CFAP46: variants seen among roughly 807,000 people sequenced by gnomAD.
The protein encoded by CFAP46 is cilia and flagella associated protein 46, also known as cilia- and flagella-associated protein 46.
A neutral mutation model predicts 325.7 loss-of-function variants in CFAP46; 245 were observed. The observed-to-expected ratio is 0.75, with a 90% CI of 0.68 to 0.84. The LOEUF (loss-of-function observed/expected upper bound fraction) is 0.84, where lower values mean the gene tolerates loss of function less well. Among genes scored for constraint, CFAP46 ranks in the 40% least tolerant of loss-of-function variants. The pLI is 0.00. For synonymous variants in CFAP46, 1,523 were observed against 1,495.9 expected (o/e 1.02, Z -0.42); for missense variants, 3,346 against 3,543.0 (o/e 0.94, Z 1.41).
At chr10:132,915,617 C>A (rs1484051705) in intron 17 of CFAP46, among the ~76,000 whole-genome samples, 1 of 150,896 alleles carries the variant, frequency 6.6e-6, no homozygotes, top group African/African-American at 2.5e-5. Flanking sequence ...CAGCTTCTGC[C>A]CCGAGGGACC....
chr10:132,914,955 G>A (rs1849613924), intron 17 of CFAP46, among the ~76,000 whole-genome samples: 3 of 152,246 alleles, frequency 2.0e-5, no homozygotes, highest in South Asian at 4.1e-4. Flanking sequence ...TGCAGGCTCT[G>A]CCCTTCCCCA....
intron 40 of CFAP46, among the ~76,000 whole-genome samples, chr10:132,850,775 T>A (rs1012350985): frequency 1.3e-5 from 2 of 149,774 alleles, no homozygotes; most frequent in African/African-American, 5.0e-5. Context: ...ATATTCAACT[T>A]TTTTTTTTAC....
chr10:132,940,901 A>G, intron 4 of CFAP46, 95 bp downstream of exon 4: 2 of 1,242,622 alleles, frequency 1.6e-6, no homozygotes, highest in South Asian at 2.5e-5. Flanking sequence ...ACGAGGGGAA[A>G]CCCCACAGTT....
chr10:132,910,275 C>A (rs11146583), intron 19 of CFAP46, among the ~76,000 whole-genome samples: 17,660 of 152,300 alleles, frequency 0.12, 2,843 homozygotes, highest in African/African-American at 0.36. Context: ...GCAGCTGCCA[C>A]CTGGCCTCCA....
rs112898071 is a variant in CFAP46 at position 132,906,804 on chromosome 10, A to G, written c.2924+1664T>C. 7.1e-3 allele frequency among the ~76,000 whole-genome samples: 645 copies of G among 90,784 alleles called. 17 individuals are homozygous for G. Among genetic ancestry groups the G allele is most frequent in the African/African-American group, 0.024 (310 of 13,168 alleles). 59.6% of individuals were successfully genotyped at this position (90,784 alleles called of 152,430 possible). On this transcript the variant is annotated intron_variant, in intron 22 of 57. Coordinates refer to ENST00000368586, the MANE Select transcript of CFAP46 (RefSeq NM_001200049.3). Reference sequence around the variant, plus strand: ...ACGGGGTCCTGGCGCGTGATGCCCCATCCTGGGCAATGAGAAGAGTGAACG... The same window carrying G: ...ACGGGGTCCTGGCGCGTGATGCCCCGTCCTGGGCAATGAGAAGAGTGAACG...
Position 132,832,850 on chromosome 10 carries a change from C to T in CFAP46, c.7117+508G>A. On this transcript the variant is annotated intron_variant, in intron 50 of 57. Transcript: ENST00000368586. The surrounding 1 kb of genome is among the most constrained non-coding windows in gnomAD (Gnocchi z 4.1). ...GGCTGTTTACTACACATCTGGTCCC[C>T]TCCTTTGAAACAGGTATTTGTGGGG... is the stretch of plus-strand genomic sequence containing the variant. 1 of 469,726 alleles carries T rather than the reference C, an allele frequency of 2.1e-6. No homozygotes were observed. Among genetic ancestry groups the T allele is most frequent in the Non-Finnish European group, 4.4e-6 (1 of 226,028 alleles). 29.1% of individuals were successfully genotyped at this position (469,726 alleles called of 1,614,324 possible).
chr10:132,892,607 C>T (rs1415500636), intron 24 of CFAP46, among the ~76,000 whole-genome samples, 190 bp from the exon 25 acceptor site: 2 of 152,198 alleles, frequency 1.3e-5, no homozygotes, highest in Non-Finnish European at 2.9e-5. Context: ...GCTTAACAAT[C>T]TACAGCCAAT....
rs1849853026 is a variant in CFAP46 at position 132,929,157 on chromosome 10, A to G, written c.966+548T>C. 6 of 281,512 alleles carry G rather than the reference A, an allele frequency of 2.1e-5. No individual in the cohort carries two copies. The East Asian group carries it at 3.8e-4, about 18-fold the overall frequency. 17.4% of individuals were successfully genotyped at this position (281,512 alleles called of 1,614,324 possible). A position where few individuals can be genotyped will look rare whatever the true frequency, so the allele number is the denominator to read the frequency against. On this transcript the variant is annotated intron_variant, in intron 9 of 57. Transcript: ENST00000368586. ...TATACTGTGATTTTTCTAGACGGAA[A>G]TCCCTACGATAAACTTCAATTTCTA...
At chr10:132,928,297 T>C (rs1028635635) in intron 9 of CFAP46, among the ~76,000 whole-genome samples, 4 of 152,136 alleles carry the variant, frequency 2.6e-5, no homozygotes, top group African/African-American at 4.8e-5. Flanking sequence ...TCATTCTGAA[T>C]TGGGGACACC....
chr10:132,905,645 A>G (rs1204021566), intron 22 of CFAP46, among the ~76,000 whole-genome samples: 1 of 151,934 alleles, frequency 6.6e-6, no homozygotes, highest in East Asian at 1.9e-4. Flanking sequence ...GGAACGTTCT[A>G]TTTTCTTTTT....
chr10:132,824,157 T>G (rs1591036655), intron 50 of CFAP46, among the ~76,000 whole-genome samples: 1 of 131,034 alleles, frequency 7.6e-6, no homozygotes, highest in Non-Finnish European at 1.6e-5. Context: ...GTGCTGTGTG[T>G]GTGCTGTGTG....
rs765314718 is a variant in CFAP46 at position 132,938,590 on chromosome 10, G to C, written c.535C>G (p.Leu179Val). Residue 179 changes from leucine to valine, a missense_variant and splice_region_variant, in exon 5 of 58, where the codon CTG (leucine) becomes GTG (valine). Leu to Val is a conservative substitution (Grantham distance 32). Transcript: ENST00000368586. ...EDKEWRAELM[L>V]ELLECYLQAG... is the part of the protein sequence containing the mutation. ...GAGGGCACGGCGAGCTCAACTCACA[G>C]CATCAGCTCAGCACGCCACTCCTTG... 85 of 1,612,678 alleles carry C rather than the reference G, an allele frequency of 5.3e-5. No homozygotes were observed. The highest frequency in any genetic ancestry group is 7.1e-5 in the Non-Finnish European group (84 of 1,179,800).
chr10:132,852,049 G>A (rs998356051), intron 39 of CFAP46, among the ~76,000 whole-genome samples: 8 of 151,700 alleles, frequency 5.3e-5, no homozygotes, highest in Non-Finnish European at 1.0e-4. Flanking sequence ...ATCCACAGAC[G>A]TGGTATGTTC....
At chr10:132,868,484 G>A (rs746787786) in intron 33 of CFAP46, among the ~76,000 whole-genome samples, 2 of 152,182 alleles carry the variant, frequency 1.3e-5, no homozygotes, top group South Asian at 2.1e-4. Flanking sequence ...GATAACTCAC[G>A]GTACTGAAAA....
At chr10:132,887,525 CTCTCTCCTCTCCCCTCT>C (rs1491459498) in intron 25 of CFAP46, among the ~76,000 whole-genome samples, 3 of 92,702 alleles carry the variant, frequency 3.2e-5, no homozygotes, top group Non-Finnish European at 4.9e-5. Context: ...CTCTCCTCTC[CTCTCTCCTCTCCCCTCT>C]TCTCTCCTCT....
rs1198306231 is a variant in CFAP46, at chr10:132,880,970, G to A, written c.3690C>T (p.His1230=). The change falls in exon 28 of 58, where the codon CAC becomes CAT. Residue 1230 remains histidine (H), a synonymous_variant. Coordinates refer to ENST00000368586, the MANE Select transcript of CFAP46 (RefSeq NM_001200049.3). The stretch of plus-strand genomic sequence containing the variant: ...CCACGTCCTCGAGAGGAAAGTGTCT[G>A]TGATGGAGCCACTGGCCGAACTCCA... ...YLMEFGQWLH[H]RHFPLEDVVF... The A allele has an allele frequency of 1.4e-5, 22 of 1,550,410 alleles. No homozygotes were observed. Among genetic ancestry groups the A allele is most frequent in the Non-Finnish European group, 1.9e-5 (22 of 1,146,962 alleles).
chr10:132,833,531 A>C lies in CFAP46; in HGVS notation c.6950-6T>G. ...AACCTCAGGCTGGACTGTGCCTGGG[A>C]AACAGCAGTGCAGGGAGATCAGCTC... On this transcript the variant is annotated splice_region_variant and splice_polypyrimidine_tract_variant and intron_variant, in intron 49 of 57. Coordinates refer to ENST00000368586, the MANE Select transcript of CFAP46 (RefSeq NM_001200049.3). The C allele has an allele frequency of 1.9e-6, 3 of 1,612,760 alleles. No individual in the cohort carries two copies. The highest frequency in any genetic ancestry group is 1.3e-5 in the African/African-American group (1 of 75,022).
intron 33 of CFAP46, among the ~76,000 whole-genome samples, chr10:132,868,594 T>C (rs1166499150): frequency 6.6e-6 from 1 of 152,232 alleles, no homozygotes; most frequent in East Asian, 1.9e-4. Flanking sequence ...AGTGTCTGTT[T>C]CAATGTAACG....
chr10:132,937,137 C>G (rs1382180420), intron 6 of CFAP46, 82 bp from the exon 7 acceptor site: 3 of 817,894 alleles, frequency 3.7e-6, no homozygotes, highest in Non-Finnish European at 3.5e-6. Flanking sequence ...ATTTTATTTT[C>G]TCATTAATTT....
Sources: gnomAD v4.1 joint callset for allele counts (sites outside exome capture counted in the v4.1 genomes callset) on GRCh38, gnomAD v4.1.1 for gene constraint, Gnocchi (gnomAD v3.1) non-coding constraint, MANE v1.5 for transcripts, NCBI Gene and HGNC (gene_info 2026-07-23, HGNC 2026-07-21) for gene names.